The following MAN2C1 variants were observed in gnomAD, a reference collection of about 807,000 sequenced individuals.
MAN2C1 encodes mannosidase alpha class 2C member 1, also known as alpha-mannosidase 2C1.
In MAN2C1, 111 loss-of-function variants were observed where a neutral mutation model predicts 126.9. That is an observed-to-expected ratio of 0.87 (90% CI 0.75 to 1.02). The LOEUF (loss-of-function observed/expected upper bound fraction) is 1.02, where lower values mean the gene tolerates loss of function less well. Ranked by LOEUF, MAN2C1 falls within the 50% of genes least tolerant of loss-of-function variation. MAN2C1 has a pLI of 0.00. For synonymous variants in MAN2C1, 567 were observed against 561.5 expected (o/e 1.01, Z -0.14); for missense variants, 1,363 against 1,364.4 (o/e 1.00, Z 0.02).
intron 6 of MAN2C1, 123 bp downstream of exon 6, chr15:75,363,876 G>A (rs981451468): frequency 4.4e-5 from 47 of 1,061,064 alleles, no homozygotes; most frequent in Non-Finnish European, 6.0e-5. Context: ...TTTTACAGAC[G>A]GGGAAAACGC....
chr15:75,358,547 A>C lies in MAN2C1; in HGVS notation c.2318T>G (p.Phe773Cys). 1 of 1,613,438 alleles carries C rather than the reference A, an allele frequency of 6.2e-7. No individual in the cohort carries two copies. Among genetic ancestry groups the C allele is most frequent in the Non-Finnish European group, 8.5e-7 (1 of 1,180,022 alleles). ...ACTGTTGGGGCTGATCTGTAGCAAGAACCAGGCGCTGCCCCGCAGGCCGCC... is the reference window on the plus strand; with the variant it reads ...ACTGTTGGGGCTGATCTGTAGCAAGCACCAGGCGCTGCCCCGCAGGCCGCC... Reference protein sequence around the residue: ...TEGGLRGSAWFLLQISPNSRL... With the variant: ...TEGGLRGSAWCLLQISPNSRL... Residue 773 changes from phenylalanine (F) to cysteine (C), a missense_variant, in exon 20 of 26, where the codon TTC (phenylalanine) becomes TGC (cysteine). Around this residue, in one of 3 missense-constraint regions of MAN2C1, gnomAD observed 668 missense variants for 650.1 expected, o/e 1.03. Transcript: ENST00000267978.
In MAN2C1 at chr15:75,359,899, TAACC is replaced by T; in HGVS notation, c.1792_1792+3del. 1 of 1,611,940 alleles carries T rather than the reference TAACC, an allele frequency of 6.2e-7. No homozygotes were observed. Among genetic ancestry groups the T allele is most frequent in the East Asian group, 2.2e-5 (1 of 44,832 alleles). On this transcript the variant is annotated splice_donor_variant and splice_donor_region_variant and coding_sequence_variant and intron_variant, in exon 15 of 26. Coordinates refer to ENST00000267978, the MANE Select transcript of MAN2C1 (RefSeq NM_006715.4). LOFTEE classifies it high-confidence loss of function. The stretch of plus-strand genomic sequence containing the variant: ...AGAGCAGGCAGGACTATTGTGAGCC[TAACC>T]TTCATAATGGCACATGGCTTCCTCT...
chr15:75,360,398 G>A, intron 13 of MAN2C1, 167 bp downstream of exon 13: 1 of 1,287,182 alleles, frequency 7.8e-7, no homozygotes, highest in Non-Finnish European at 1.1e-6. Context: ...TTCTTCAGGG[G>A]TTTCTGCCTC....
rs763820598 is a variant in MAN2C1, at chr15:75,361,649, G to C, written c.1173C>G (p.Arg391=). The change falls in exon 10 of 26, where the codon CGC becomes CGG. Residue 391 remains arginine (R), a synonymous_variant. Coordinates refer to ENST00000267978, the MANE Select transcript of MAN2C1 (RefSeq NM_006715.4). The surrounding 1 kb of genome is among the most constrained non-coding windows in gnomAD (Gnocchi z 5.0). The part of the protein sequence containing the change: ...PQIMHGCGIR[R]FLTQKLSWNL... Reference sequence around the variant, plus strand: ...TCCAGCTCAATTTCTGGGTGAGAAAGCGCCTGATGCCACAGCCGTGCATGA... The same window carrying C: ...TCCAGCTCAATTTCTGGGTGAGAAACCGCCTGATGCCACAGCCGTGCATGA... 5.0e-6 allele frequency: 8 copies of C among 1,613,920 alleles called. No individual in the cohort carries two copies. Among genetic ancestry groups the C allele is most frequent in the Non-Finnish European group, 6.8e-6 (8 of 1,180,024 alleles).
intron 21 of MAN2C1, chr15:75,357,962 C>T (rs2072370932): frequency 2.1e-6 from 1 of 480,312 alleles, no homozygotes. Context: ...ACCATGTTGG[C>T]CAGGCTGGTC....
At chr15:75,363,262 G>C (rs1390963929) in intron 6 of MAN2C1, 1 of 456,064 alleles carries the variant, frequency 2.2e-6, no homozygotes, top group African/African-American at 2.0e-5. Context: ...CCAAAACTTC[G>C]GCTGCATCAG....
chr15:75,362,805 C>A lies in MAN2C1; in HGVS notation c.791-57G>T. 6.8e-7 allele frequency: 1 copy of A among 1,480,284 alleles called. No homozygotes were observed. The allele number at this position is 1,480,284 out of a possible 1,614,324, so 91.7% of individuals were successfully genotyped here. A position where few individuals can be genotyped will look rare whatever the true frequency, so the allele number is the denominator to read the frequency against. On this transcript the variant is annotated intron_variant, in intron 6 of 25. Coordinates refer to ENST00000267978, the MANE Select transcript of MAN2C1 (RefSeq NM_006715.4). The surrounding 1 kb of genome is among the most constrained non-coding windows in gnomAD (Gnocchi z 4.5). ...AGCAGCAAGGCTGACCAGGCCTGGG[C>A]TGGGACTCCAGAGGGTCACCTAGCC...
intron 6 of MAN2C1, chr15:75,363,397 C>T (rs768735507): frequency 2.3e-6 from 1 of 439,802 alleles, no homozygotes; most frequent in Non-Finnish European, 4.6e-6. Flanking sequence ...CTCCTGTGCT[C>T]TCCAGTGCCT....
In MAN2C1 at chr15:75,356,372, G is replaced by C. The variant is rs907879539; in HGVS notation, c.2815C>G (p.Pro939Ala). 1.2e-6 allele frequency: 2 copies of C among 1,611,604 alleles called. No individual in the cohort carries two copies. The highest frequency in any genetic ancestry group is 2.7e-5 in the African/African-American group (2 of 74,838). The change falls in exon 24 of 26, where the codon CCA (proline) becomes GCA (alanine). Residue 939 changes from proline (P) to alanine (A), a missense_variant. By Grantham distance (27) the Pro-to-Ala change is conservative. Transcript: ENST00000267978. The surrounding 1 kb of genome is among the most constrained non-coding windows in gnomAD (Gnocchi z 5.8). ...FPLLALPAPS[P>A]APATSWSAFS... is the part of the protein sequence containing the mutation. Reference sequence around the variant, plus strand: ...GCACTCCAGGAGGTGGCGGGCGCTGGGCTGGGGGCTGGCAGAGCCAACAGG... The same window carrying C: ...GCACTCCAGGAGGTGGCGGGCGCTGCGCTGGGGGCTGGCAGAGCCAACAGG...
At position 75,356,510 on chromosome 15, in the gene MAN2C1, G is replaced by C. The variant is rs577850118; in HGVS notation, c.2738-61C>G. 1 of 1,557,110 alleles carries C rather than the reference G, an allele frequency of 6.4e-7. No homozygotes were observed. The highest frequency in any genetic ancestry group is 8.7e-7 in the Non-Finnish European group (1 of 1,150,026). ...TGGGGGCTACCCTCCCCTGTCCCTA[G>C]AAGGGGCAGGAAGCCAGGTTGCTGG... On this transcript the variant is annotated intron_variant, in intron 23 of 25. Transcript: ENST00000267978. This position sits in a 1 kb window ranked among gnomAD's most constrained non-coding sequence, Gnocchi z 5.8.
chr15:75,368,341 C>T lies in MAN2C1; in HGVS notation c.101+142G>A, dbSNP rs1165047916. The T allele has an allele frequency of 3.6e-6, 5 of 1,400,572 alleles. No homozygotes were observed. The East Asian group carries it at 1.3e-4, about 35-fold the overall frequency. 86.8% of individuals were successfully genotyped at this position (1,400,572 alleles called of 1,614,324 possible). ...CTCCGCGGCACAGTCCATTCCCTACCCCCTCCTCCCCGGCCCCTGCCCTGC... is the reference window on the plus strand; with the variant it reads ...CTCCGCGGCACAGTCCATTCCCTACTCCCTCCTCCCCGGCCCCTGCCCTGC... On this transcript the variant is annotated intron_variant, in intron 1 of 25. Transcript: ENST00000267978.
intron 3 of MAN2C1, 102 bp downstream of exon 3, chr15:75,367,409 G>A: frequency 6.8e-7 from 1 of 1,464,762 alleles, no homozygotes; most frequent in South Asian, 1.3e-5. Flanking sequence ...CCTGTGGGCA[G>A]AGCAACTCAG....
rs2072431632 is a variant in MAN2C1 at position 75,359,901 on chromosome 15, A to T, written c.1792+2T>A. The T allele has an allele frequency of 6.2e-7, 1 of 1,612,118 alleles. No homozygotes were observed. On this transcript the variant is annotated splice_donor_variant, in intron 15 of 25. Coordinates refer to ENST00000267978, the MANE Select transcript of MAN2C1 (RefSeq NM_006715.4). LOFTEE classifies it high-confidence loss of function. ...AGCAGGCAGGACTATTGTGAGCCTA[A>T]CCTTCATAATGGCACATGGCTTCCT... is the stretch of plus-strand genomic sequence containing the variant.
At position 75,356,739 on chromosome 15, in the gene MAN2C1, G is replaced by A. The variant is rs772511825; in HGVS notation, c.2657+54C>T. The A allele has an allele frequency of 4.2e-5, 68 of 1,611,908 alleles. No homozygotes were observed. Among genetic ancestry groups the A allele is most frequent in the Admixed American group, 1.2e-4 (7 of 59,978 alleles). ...CGCTGAAGCTGTTGGAGTTGTGGTC[G>A]GGAAGACCCATTTCTCCATGCCAGC... On this transcript the variant is annotated intron_variant, in intron 22 of 25. Coordinates refer to ENST00000267978, the MANE Select transcript of MAN2C1 (RefSeq NM_006715.4). This position sits in a 1 kb window ranked among gnomAD's most constrained non-coding sequence, Gnocchi z 5.8.
chr15:75,357,939 G>C lies in MAN2C1; in HGVS notation c.2547+262C>G, dbSNP rs772936629. 9.5e-6 allele frequency: 4 copies of C among 421,000 alleles called. No individual in the cohort carries two copies. In the East Asian group the frequency reaches 1.9e-4, roughly 20 times the overall value. 26.1% of individuals were successfully genotyped at this position (421,000 alleles called of 1,614,324 possible). On this transcript the variant is annotated intron_variant, in intron 21 of 25. Transcript: ENST00000267978. Reference sequence around the variant, plus strand: ...CGGCCCAATTTTTGTATTTTTAGTAGAGATGGCGTTTCACCATGTTGGCCA... The same window carrying C: ...CGGCCCAATTTTTGTATTTTTAGTACAGATGGCGTTTCACCATGTTGGCCA...
intron 4 of MAN2C1, among the ~76,000 whole-genome samples, chr15:75,365,085 G>A (rs540625003): frequency 3.9e-5 from 6 of 152,328 alleles, no homozygotes; most frequent in African/African-American, 1.4e-4. Flanking sequence ...AGGCTGGGCT[G>A]TGGTGATGCC....
Position 75,356,312 on chromosome 15 carries a change from TCTCCAATACGA to T in MAN2C1, c.2864_2874del (p.Val955AspfsTer20). On this transcript the variant is annotated frameshift_variant, in exon 24 of 26. Transcript: ENST00000267978. LOFTEE classifies it high-confidence loss of function. The surrounding 1 kb of genome is among the most constrained non-coding windows in gnomAD (Gnocchi z 5.8). ...GTCCCACCCCTTGCCTGCTTGACGGTCTCCAATACGACCGCGGGTGAAGACACGGAAAACGC... is the reference window on the plus strand; with the variant it reads ...GTCCCACCCCTTGCCTGCTTGACGGTCCGCGGGTGAAGACACGGAAAACGC... The T allele has an allele frequency of 6.2e-7, 1 of 1,610,102 alleles. No individual in the cohort carries two copies. Among genetic ancestry groups the T allele is most frequent in the Non-Finnish European group, 8.5e-7 (1 of 1,178,996 alleles).
intron 16 of MAN2C1, 84 bp downstream of exon 16, chr15:75,359,536 C>G: frequency 1.9e-6 from 3 of 1,580,250 alleles, no homozygotes; most frequent in Non-Finnish European, 2.6e-6. Flanking sequence ...CAGGGGCACC[C>G]AGATCCCTCG....
chr15:75,362,114 G>C lies in MAN2C1; in HGVS notation c.1009-167C>G. On this transcript the variant is annotated intron_variant, in intron 8 of 25. Transcript: ENST00000267978. The surrounding 1 kb of genome is among the most constrained non-coding windows in gnomAD (Gnocchi z 4.5). ...GTCCTTCAGGCCTGACTGTCCATCT[G>C]CCTGAGGGGGTGCCCAGGACTAGGC... 1.5e-6 allele frequency: 1 copy of C among 666,930 alleles called. No individual in the cohort carries two copies. Among genetic ancestry groups the C allele is most frequent in the Non-Finnish European group, 2.6e-6 (1 of 383,224 alleles). 41.3% of individuals were successfully genotyped at this position (666,930 alleles called of 1,614,324 possible). A position where few individuals can be genotyped will look rare whatever the true frequency, so the allele number is the denominator to read the frequency against.
Sources: allele counts gnomAD v4.1 joint callset (sites outside exome capture counted in the v4.1 genomes callset), GRCh38; gene constraint gnomAD v4.1.1; regional missense constraint gnomAD v4.1.1; non-coding constraint Gnocchi (gnomAD v3.1); transcripts MANE v1.5; gene names NCBI Gene and HGNC (gene_info 2026-07-23, HGNC 2026-07-21).